Variants in SLC2A9 observed in about 807,000 individuals in gnomAD.
SLC2A9 encodes solute carrier family 2 member 9.
In SLC2A9, 39 loss-of-function variants were observed where a neutral mutation model predicts 50.6. That is an observed-to-expected ratio of 0.77 (90% CI 0.60 to 1.01). SLC2A9 has a LOEUF of 1.01. SLC2A9 is among the 50% of genes least tolerant of loss of function. SLC2A9 has a pLI of 0.00. For synonymous variants in SLC2A9, 324 were observed against 276.9 expected (o/e 1.17, Z -1.69); for missense variants, 686 against 677.6 (o/e 1.01, Z -0.14).
intron 2 of SLC2A9, 60 bp downstream of exon 2, chr4:10,018,915 C>A (rs959777128): frequency 3.3e-6 from 5 of 1,504,556 alleles, no homozygotes; most frequent in South Asian, 1.2e-5. Flanking sequence ...AGGGCCCTTG[C>A]GCACCCGAAG....
intron 5 of SLC2A9, among the ~76,000 whole-genome samples, chr4:9,956,066 A>C (rs112756483): frequency 5.2e-4 from 79 of 151,294 alleles, no homozygotes; most frequent in Non-Finnish European, 9.1e-4. Flanking sequence ...TTTAGTACAG[A>C]TGGGGTTTCA....
At chr4:9,949,597 T>C (rs1079128) in intron 5 of SLC2A9, among the ~76,000 whole-genome samples, 76,161 of 152,092 alleles carry the variant, frequency 0.5, 20,822 homozygotes, top group African/African-American at 0.71. Context: ...CTGATCCCTG[T>C]ACGGGGCTCT....
At chr4:9,870,506 C>G (rs934057564) in intron 10 of SLC2A9, among the ~76,000 whole-genome samples, 1 of 152,160 alleles carries the variant, frequency 6.6e-6, no homozygotes, top group African/African-American at 2.4e-5. Context: ...TTGAAGGGCT[C>G]AAAATCTTTC....
intron 4 of SLC2A9, among the ~76,000 whole-genome samples, chr4:9,981,353 A>G (rs905701227): frequency 1.3e-5 from 2 of 148,776 alleles, no homozygotes; most frequent in East Asian, 4.2e-4. Context: ...GGTGATGGTG[A>G]TGGTGGTGAT....
upstream of SLC2A9, among the ~76,000 whole-genome samples, chr4:10,024,284 T>A (rs1763681442): frequency 1.3e-5 from 2 of 152,154 alleles, no homozygotes; most frequent in Non-Finnish European, 2.9e-5. Flanking sequence ...GCTGATTGTG[T>A]CCCCTCAGAT....
chr4:9,928,840 T>A (rs929630661), intron 6 of SLC2A9, among the ~76,000 whole-genome samples: 7 of 152,224 alleles, frequency 4.6e-5, no homozygotes, highest in African/African-American at 1.4e-4. Context: ...ATATTCCGAA[T>A]GAAAAGTTTC....
intron 3 of SLC2A9, among the ~76,000 whole-genome samples, chr4:9,986,397 C>G (rs1578198100): frequency 1.3e-5 from 2 of 152,174 alleles, no homozygotes; most frequent in East Asian, 3.9e-4. Flanking sequence ...ATCACTGGGA[C>G]TGGCAGGAAA....
chr4:9,912,479 C>T (rs1372199697), intron 7 of SLC2A9, among the ~76,000 whole-genome samples: 1 of 152,012 alleles, frequency 6.6e-6, no homozygotes, highest in Admixed American at 6.6e-5. Flanking sequence ...GCCCTTAATG[C>T]CCTGAAGCTC....
intron 3 of SLC2A9, among the ~76,000 whole-genome samples, chr4:9,995,050 C>A (rs1024471879): frequency 1.3e-5 from 2 of 152,154 alleles, no homozygotes; most frequent in Non-Finnish European, 2.9e-5. Context: ...TAACTAAGAT[C>A]TGCTTGGCAT....
intron 6 of SLC2A9, among the ~76,000 whole-genome samples, chr4:9,940,828 A>G (rs1257697827): frequency 6.6e-6 from 1 of 152,258 alleles, no homozygotes; most frequent in East Asian, 1.9e-4. Flanking sequence ...ATTTCAAAAG[A>G]TGTTGCACAA....
At chr4:9,826,954 T>C (rs982718395) in intron 11 of SLC2A9, among the ~76,000 whole-genome samples, 4 of 152,208 alleles carry the variant, frequency 2.6e-5, no homozygotes, top group African/African-American at 9.7e-5. Flanking sequence ...TTCTTGCTTC[T>C]ACTATACACA....
upstream of SLC2A9, among the ~76,000 whole-genome samples, chr4:10,023,316 C>T (rs1232211687): frequency 1.3e-5 from 2 of 152,164 alleles, no homozygotes; most frequent in Non-Finnish European, 2.9e-5. Flanking sequence ...ACAGCTGCAT[C>T]CCTGTGCATG....
At chr4:9,891,745 A>AGG (rs1240866067) in intron 8 of SLC2A9, among the ~76,000 whole-genome samples, 4 of 152,206 alleles carry the variant, frequency 2.6e-5, no homozygotes, top group Admixed American at 6.5e-5. Flanking sequence ...CAATCAGGCG[A>AGG]GGCTTCCTGG....
chr4:9,970,457 T>C (rs58130873), intron 5 of SLC2A9, among the ~76,000 whole-genome samples: 73,226 of 151,596 alleles, frequency 0.48, 19,023 homozygotes, highest in African/African-American at 0.67. Context: ...AAGCTGGGCA[T>C]CCCTGCTTTG....
intron 3 of SLC2A9, among the ~76,000 whole-genome samples, chr4:9,786,373 C>T (rs1719219349): frequency 6.6e-6 from 1 of 152,220 alleles, no homozygotes; most frequent in South Asian, 2.1e-4. Flanking sequence ...CCTAACTGCT[C>T]TTTGATGGTG....
At chr4:9,871,140 G>A (rs144432263) in intron 10 of SLC2A9, among the ~76,000 whole-genome samples, 5 of 152,048 alleles carry the variant, frequency 3.3e-5, no homozygotes, top group Non-Finnish European at 7.4e-5. Flanking sequence ...AGCAGAAAGT[G>A]CACCATAACC....
intron 7 of SLC2A9, among the ~76,000 whole-genome samples, chr4:9,919,495 C>T (rs1177724022): frequency 6.6e-6 from 1 of 152,140 alleles, no homozygotes; most frequent in African/African-American, 2.4e-5. Context: ...CCCCAAACAC[C>T]CTCCCTGCCC....
intron 3 of SLC2A9, 73 bp from the exon 4 acceptor site, chr4:9,985,866 C>G: frequency 1.2e-6 from 2 of 1,605,042 alleles, no homozygotes; most frequent in Admixed American, 3.3e-5. Context: ...ATCCCAGGAG[C>G]AGGAGCCAGG....
intron 2 of SLC2A9, among the ~76,000 whole-genome samples, chr4:10,005,812 T>C (rs769667093): frequency 1.3e-5 from 2 of 152,214 alleles, no homozygotes; most frequent in Non-Finnish European, 2.9e-5. Flanking sequence ...GGAAGTGCTG[T>C]CAATGTTAAA....
Sources: gnomAD v4.1 joint callset for allele counts (sites outside exome capture counted in the v4.1 genomes callset) on GRCh38, gnomAD v4.1.1 for gene constraint, MANE v1.5 for transcripts, NCBI Gene and HGNC (gene_info 2026-07-23, HGNC 2026-07-21) for gene names.